The following CACNA1E variants were observed in gnomAD, a reference collection of about 807,000 sequenced individuals.
CACNA1E encodes the protein voltage-dependent R-type calcium channel subunit alpha-1E.
A neutral mutation model predicts 259.2 loss-of-function variants in CACNA1E; 40 were observed. The observed-to-expected ratio is 0.15, with a 90% confidence interval of 0.12 to 0.20. CACNA1E has a LOEUF of 0.20. Among genes scored for constraint, CACNA1E ranks in the 10% least tolerant of loss-of-function variants. The probability of loss-of-function intolerance (pLI) is 1.00; values close to 1 mark genes in which losing one functional copy is unlikely to be tolerated. For missense variants in CACNA1E, 1,874 were observed against 3,040.1 expected, an observed-to-expected ratio of 0.62 and a Z score of 9.02; for synonymous variants, 1,104 against 1,138.5, an observed-to-expected ratio of 0.97 and a Z score of 0.61.
intron 44 of CACNA1E, among the ~76,000 whole-genome samples, chr1:181,791,997 C>A (rs1572905579): frequency 6.6e-6 from 1 of 152,152 alleles, no homozygotes; most frequent in African/African-American, 2.4e-5. Flanking sequence ...AGTCCAGACG[C>A]CCCCAGGGCT....
intron 3 of CACNA1E, among the ~76,000 whole-genome samples, chr1:181,515,420 C>T (rs1031127759): frequency 6.6e-6 from 1 of 152,330 alleles, no homozygotes; most frequent in East Asian, 1.9e-4. Context: ...CACTCATTCA[C>T]TCACCAATTC....
At chr1:181,439,397 G>A (rs1207912434) in intron 2 of CACNA1E, among the ~76,000 whole-genome samples, 1 of 149,582 alleles carries the variant, frequency 6.7e-6, no homozygotes, top group African/African-American at 2.5e-5. Context: ...AGTAGGCCAT[G>A]ACTTTGTCTA....
intron 3 of CACNA1E, among the ~76,000 whole-genome samples, chr1:181,561,774 A>G (rs1409126726): frequency 6.6e-6 from 1 of 152,240 alleles, no homozygotes; most frequent in African/African-American, 2.4e-5. Context: ...AATGGTAAGT[A>G]TATGTATAAC....
chr1:181,397,245 C>A (rs1656741749), intron 1 of CACNA1E, among the ~76,000 whole-genome samples: 2 of 152,346 alleles, frequency 1.3e-5, no homozygotes, highest in South Asian at 4.1e-4. Context: ...GAATTCTCTT[C>A]TATTACTACG....
intron 2 of CACNA1E, 131 bp from the exon 3 acceptor site, chr1:181,511,240 C>A: frequency 9.6e-7 from 1 of 1,036,464 alleles, no homozygotes; most frequent in Non-Finnish European, 1.5e-6. Flanking sequence ...GGTCCCTTAG[C>A]ACCCTTGCTT....
At chr1:181,639,211 C>G (rs1373750471) in intron 6 of CACNA1E, among the ~76,000 whole-genome samples, 1 of 152,068 alleles carries the variant, frequency 6.6e-6, no homozygotes, top group South Asian at 2.1e-4. Context: ...CGTCAGCCTC[C>G]CAAGTAGCTG....
Position 181,807,210 on chromosome 1 carries a change from G to A in CACNA1E, c.*8376G>A, listed in dbSNP as rs570666772. ...AAGATTCCATACAAACTCATTCCCTGAAAGAGAAAAACAGATTTTCTAATC... is the reference window on the plus strand; with the variant it reads ...AAGATTCCATACAAACTCATTCCCTAAAAGAGAAAAACAGATTTTCTAATC... On this transcript the variant is annotated 3_prime_UTR_variant, in exon 48 of 48. Coordinates refer to ENST00000367573, the MANE Select transcript of CACNA1E (RefSeq NM_001205293.3). The A allele has an allele frequency of 4.0e-5, 6 of 151,592 alleles. No individual in the cohort carries two copies. In the East Asian group the frequency reaches 1.2e-3, roughly 29 times the overall value. 9.4% of individuals were successfully genotyped at this position (151,592 alleles called of 1,614,324 possible).
chr1:181,740,742 A>G (rs192855433), intron 25 of CACNA1E, among the ~76,000 whole-genome samples: 33 of 152,322 alleles, frequency 2.2e-4, no homozygotes, highest in Admixed American at 1.4e-3. Context: ...CCTTGTGCAC[A>G]TGTTAATTCC....
At chr1:181,604,072 C>T (rs1653997880) in intron 6 of CACNA1E, among the ~76,000 whole-genome samples, 1 of 152,162 alleles carries the variant, frequency 6.6e-6, no homozygotes, top group Admixed American at 6.5e-5. Context: ...AGGGAGAGGC[C>T]AGTCTTCTTG....
intron 3 of CACNA1E, among the ~76,000 whole-genome samples, chr1:181,536,219 T>C (rs1400725046): frequency 6.6e-6 from 1 of 152,208 alleles, no homozygotes; most frequent in Non-Finnish European, 1.5e-5. Context: ...TTCTTAATTT[T>C]GCTTCTCTCC....
intron 33 of CACNA1E, among the ~76,000 whole-genome samples, chr1:181,762,871 C>G (rs959256799): frequency 2.0e-5 from 3 of 152,192 alleles, no homozygotes; most frequent in Non-Finnish European, 4.4e-5. Context: ...ATTTGCCTGA[C>G]TCAGGCAGCA....
intron 1 of CACNA1E, among the ~76,000 whole-genome samples, chr1:181,396,446 C>T (rs949786740): frequency 4.6e-5 from 7 of 151,982 alleles, no homozygotes; most frequent in African/African-American, 1.2e-4. Context: ...TTAACAAAAG[C>T]GTGGGGAGAA....
At chr1:181,591,735 T>C (rs1652671277) in intron 6 of CACNA1E, among the ~76,000 whole-genome samples, 1 of 152,350 alleles carries the variant, frequency 6.6e-6, no homozygotes, top group African/African-American at 2.4e-5. Flanking sequence ...TATGTGACTT[T>C]GGCAACTTAC....
chr1:181,567,672 G>T (rs561855572), intron 3 of CACNA1E, among the ~76,000 whole-genome samples: 1 of 152,194 alleles, frequency 6.6e-6, no homozygotes, highest in Admixed American at 6.5e-5. Context: ...GAAAAGCACA[G>T]CAAAACCTTT....
intron 2 of CACNA1E, among the ~76,000 whole-genome samples, chr1:181,468,414 A>G (rs955510998): frequency 6.6e-6 from 1 of 152,226 alleles, no homozygotes; most frequent in African/African-American, 2.4e-5. Context: ...GCACCTTCCC[A>G]ACATGGTGCA....
intron 6 of CACNA1E, among the ~76,000 whole-genome samples, chr1:181,581,030 ATTAGT>A (rs1179427162): frequency 6.6e-6 from 1 of 152,186 alleles, no homozygotes; most frequent in Non-Finnish European, 1.5e-5. Context: ...AGGTGAACAA[ATTAGT>A]TAAGTCAGAT....
chr1:181,487,531 G>A lies in CACNA1E; in HGVS notation c.266+3521G>A, dbSNP rs6677631. 1.0e-3 allele frequency among the ~76,000 whole-genome samples: 156 copies of A among 152,360 alleles called. 1 individual carries two copies. The highest frequency in any genetic ancestry group is 3.4e-3 in the Middle Eastern group (1 of 294). On this transcript the variant is annotated intron_variant, in intron 1 of 47. Coordinates refer to ENST00000367573, the MANE Select transcript of CACNA1E (RefSeq NM_001205293.3). ...TTTTCTTATGGCACTTTCCTCTGCA[G>A]TGGATACCATACTCTTTTTAAAAAT...
At chr1:181,783,633 ATT>A (rs112594566) in intron 39 of CACNA1E, 44 bp from the exon 40 acceptor site, 2,665 of 862,358 alleles carry the variant, frequency 3.1e-3, no homozygotes, top group South Asian at 5.3e-3. Flanking sequence ...ATGTCTTTCA[ATT>A]TTTTTTTTTT....
At chr1:181,759,419 G>GTGTT (rs1270697401) in intron 32 of CACNA1E, among the ~76,000 whole-genome samples, 2 of 151,984 alleles carry the variant, frequency 1.3e-5, no homozygotes, top group South Asian at 2.1e-4. Context: ...GTGTGTGTGT[G>GTGTT]TGTGTGTATG....
Sources: gnomAD v4.1 joint callset for allele counts (sites outside exome capture counted in the v4.1 genomes callset) on GRCh38, gnomAD v4.1.1 for gene constraint, MANE v1.5 for transcripts, NCBI Gene and HGNC (gene_info 2026-07-23, HGNC 2026-07-21) for gene names.